Variants in GSR observed in about 807,000 individuals in gnomAD.
GSR encodes the protein glutathione reductase, mitochondrial.
GSR carries 48 observed loss-of-function variants against 56.5 expected under a neutral mutation model. The observed-to-expected ratio is 0.85, with a 90% CI of 0.67 to 1.08. GSR has a LOEUF of 1.08. Ranked by LOEUF, GSR falls within the 50% of genes least tolerant of loss-of-function variation. The pLI is 0.00. For synonymous variants in GSR, 264 were observed against 270.8 expected, an observed-to-expected ratio of 0.97 and a Z score of 0.25; for missense variants, 694 against 703.3, an observed-to-expected ratio of 0.99 and a Z score of 0.15.
At chr8:30,685,275 T>C (rs1447313290) in intron 9 of GSR, among the ~76,000 whole-genome samples, 1 of 152,076 alleles carries the variant, frequency 6.6e-6, no homozygotes, top group Admixed American at 6.6e-5. Context: ...AACATTTTTT[T>C]ATAGAATAGG....
intron 3 of GSR, among the ~76,000 whole-genome samples, chr8:30,708,832 G>A (rs960350077): frequency 4.6e-5 from 7 of 151,772 alleles, no homozygotes; most frequent in Non-Finnish European, 8.8e-5. Context: ...GCTGGTGGGT[G>A]CCTGTAGTCC....
chr8:30,720,354 C>T (rs952489685), intron 1 of GSR, among the ~76,000 whole-genome samples: 10 of 152,174 alleles, frequency 6.6e-5, no homozygotes, highest in East Asian at 1.9e-4. Flanking sequence ...AGAAAATAGA[C>T]GAGTCATAAT....
intron 1 of GSR, among the ~76,000 whole-genome samples, chr8:30,716,397 T>C (rs776375530): frequency 3.2e-4 from 49 of 152,266 alleles, no homozygotes; most frequent in Admixed American, 1.7e-3. Context: ...GAAATACCAC[T>C]GTCCTATTTT....
At chr8:30,720,960 C>T (rs1385279793) in intron 1 of GSR, among the ~76,000 whole-genome samples, 1 of 152,008 alleles carries the variant, frequency 6.6e-6, no homozygotes. Context: ...CCCATCACCA[C>T]AAATAACAGC....
At chr8:30,726,083 A>T (rs1804714498) in intron 1 of GSR, among the ~76,000 whole-genome samples, 1 of 152,130 alleles carries the variant, frequency 6.6e-6, no homozygotes, top group South Asian at 2.1e-4. Flanking sequence ...GGAGAGACAG[A>T]TTTCTAACCT....
At chr8:30,695,273 T>C (rs1803508201) in intron 7 of GSR, among the ~76,000 whole-genome samples, 1 of 152,112 alleles carries the variant, frequency 6.6e-6, no homozygotes, top group African/African-American at 2.4e-5. Context: ...TCTTGCTCTG[T>C]TGCCCAGGCT....
chr8:30,710,771 A>ATG (rs1804114248), intron 2 of GSR, among the ~76,000 whole-genome samples: 1 of 147,116 alleles, frequency 6.8e-6, no homozygotes, highest in African/African-American at 2.5e-5. Flanking sequence ...AAAAAAAAAT[A>ATG]TATAAATGAA....
At chr8:30,688,736 T>C (rs1369654804) in intron 9 of GSR, among the ~76,000 whole-genome samples, 1 of 151,584 alleles carries the variant, frequency 6.6e-6, no homozygotes, top group Non-Finnish European at 1.5e-5. Context: ...CTGGGCAACA[T>C]GGTGAAACCT....
In GSR at chr8:30,710,915, C is replaced by T. The variant is rs8190939; in HGVS notation, c.334-1013G>A. 1.0e-3 allele frequency among the ~76,000 whole-genome samples: 154 copies of T among 151,830 alleles called. 1 individual carries two copies. In the South Asian group the frequency reaches 0.011, roughly 11 times the overall value. ...AAAAATAAACTTGTACCAATCAACA[C>T]GAAATTTACCACCATAACTGGTTTA... On this transcript the variant is annotated intron_variant, in intron 2 of 12. Transcript: ENST00000221130.
At chr8:30,695,284 G>A (rs56036073) in intron 7 of GSR, among the ~76,000 whole-genome samples, 5 of 152,190 alleles carry the variant, frequency 3.3e-5, no homozygotes, top group African/African-American at 7.2e-5. Flanking sequence ...TGCCCAGGCT[G>A]GAGTGCAGTG....
chr8:30,696,307 GACA>G (rs1803538976), intron 7 of GSR, 70 bp downstream of exon 7: 1 of 1,056,952 alleles, frequency 9.5e-7, no homozygotes, highest in African/African-American at 1.6e-5. Context: ...AGTATTTAAC[GACA>G]ACATAAGAAA....
At chr8:30,694,664 T>C (rs1211733201) in intron 7 of GSR, among the ~76,000 whole-genome samples, 1 of 151,674 alleles carries the variant, frequency 6.6e-6, no homozygotes, top group East Asian at 1.9e-4. Context: ...GGCGCATGCC[T>C]GTAATCCCAA....
intron 10 of GSR, 92 bp downstream of exon 10, chr8:30,683,994 CTT>C: frequency 1.3e-6 from 1 of 786,946 alleles, no homozygotes; most frequent in Non-Finnish European, 2.4e-6. Context: ...ATCCTTTTAA[CTT>C]TGCTTAAGCA....
Position 30,682,019 on chromosome 8 carries a change from T to C in GSR, c.1196A>G (p.Glu399Gly). The C allele has an allele frequency of 6.2e-7, 1 of 1,613,424 alleles. No individual in the cohort carries two copies. The highest frequency in any genetic ancestry group is 8.5e-7 in the Non-Finnish European group (1 of 1,179,342). ...AGRKLAHRLF[E>G]YKEDSKLDYN... ...ATCTAATTTGGAATCTTCCTTATAT[T>C]CAAAAAGTCGATGGGCAAGTTTTCG... is the stretch of plus-strand genomic sequence containing the variant. Residue 399 changes from glutamate to glycine, a missense_variant, in exon 11 of 13, where the codon GAA (glutamate) becomes GGA (glycine). Transcript: ENST00000221130.
intron 1 of GSR, among the ~76,000 whole-genome samples, chr8:30,721,897 G>T (rs759549807): frequency 4.2e-4 from 64 of 150,858 alleles, no homozygotes; most frequent in Non-Finnish European, 7.8e-4. Context: ...CACGCCTGTA[G>T]TCCCAGCTAC....
At chr8:30,713,945 A>T (rs1804243576) in intron 1 of GSR, among the ~76,000 whole-genome samples, 1 of 152,194 alleles carries the variant, frequency 6.6e-6, no homozygotes, top group Non-Finnish European at 1.5e-5. Context: ...ATAGTTATAC[A>T]TTGAGTCTGT....
chr8:30,695,980 C>T lies in GSR; in HGVS notation c.795+400G>A, dbSNP rs1385870912. Among the ~76,000 whole-genome samples, 4 of 152,086 alleles carry T rather than the reference C, an allele frequency of 2.6e-5. No individual in the cohort carries two copies. In the East Asian group the frequency reaches 7.7e-4, roughly 29 times the overall value. On this transcript the variant is annotated intron_variant, in intron 7 of 12. Coordinates refer to ENST00000221130, the MANE Select transcript of GSR (RefSeq NM_000637.5). ...GCTTGAGCCCAGGAGGCAGAGGTTGCAGTGAGCCGAGATGGTGCCACTGCA... is the reference window on the plus strand; with the variant it reads ...GCTTGAGCCCAGGAGGCAGAGGTTGTAGTGAGCCGAGATGGTGCCACTGCA...
At chr8:30,690,307 G>A (rs926654292) in intron 8 of GSR, among the ~76,000 whole-genome samples, 2 of 151,590 alleles carry the variant, frequency 1.3e-5, no homozygotes, top group Admixed American at 6.6e-5. Flanking sequence ...CAACAGGCAC[G>A]TGCTACCTCA....
intron 3 of GSR, among the ~76,000 whole-genome samples, chr8:30,709,073 G>A (rs893189114): frequency 2.0e-5 from 3 of 151,072 alleles, no homozygotes; most frequent in African/African-American, 7.3e-5. Context: ...TAAAAGGAAT[G>A]AAGGCTGGGC....
Sources: allele counts gnomAD v4.1 joint callset (sites outside exome capture counted in the v4.1 genomes callset), GRCh38; gene constraint gnomAD v4.1.1; transcripts MANE v1.5; gene names NCBI Gene and HGNC (gene_info 2026-07-23, HGNC 2026-07-21).